ASIC2: variants seen among roughly 807,000 people sequenced by gnomAD.
ASIC2 encodes the protein acid sensing ion channel subunit 2.
In ASIC2, 25 loss-of-function variants were observed where a neutral mutation model predicts 57.3. The ratio of observed to expected loss-of-function variants is 0.44; its 90% CI spans 0.32 to 0.61. The LOEUF (loss-of-function observed/expected upper bound fraction) is 0.61, where lower values mean the gene tolerates loss of function less well. Ranked by LOEUF, ASIC2 falls within the 20% of genes least tolerant of loss-of-function variation. The pLI, the probability that ASIC2 is intolerant of heterozygous loss-of-function variation, is 0.06. For missense variants in ASIC2, 641 were observed against 738.1 expected, an observed-to-expected ratio of 0.87 and a Z score of 1.52; for synonymous variants, 319 against 307.5, an observed-to-expected ratio of 1.04 and a Z score of -0.39.
chr17:33,834,121 AC>A (rs879766742), intron 1 of ASIC2: 8 of 152,284 alleles, frequency 5.3e-5, no homozygotes, highest in Non-Finnish European at 1.0e-4. Context: ...AGACAGTTTA[AC>A]TGGTTTGCCA....
At chr17:33,144,157 CAAA>C (rs58279499) in intron 1 of ASIC2, among the ~76,000 whole-genome samples, 31,801 of 141,916 alleles carry the variant, frequency 0.22, 3,449 homozygotes, top group Middle Eastern at 0.33. Context: ...AACAAACAAA[CAAA>C]AAAAAAAACG....
At chr17:34,103,301 A>G (rs1353388869) in intron 1 of ASIC2, among the ~76,000 whole-genome samples, 1 of 152,014 alleles carries the variant, frequency 6.6e-6, no homozygotes, top group East Asian at 1.9e-4. Flanking sequence ...ATGTGCCACA[A>G]TGCCTGGCCA....
chr17:33,949,462 G>A (rs1265884377), intron 1 of ASIC2, among the ~76,000 whole-genome samples: 1 of 152,156 alleles, frequency 6.6e-6, no homozygotes, highest in Non-Finnish European at 1.5e-5. Flanking sequence ...AAATGACTGT[G>A]CTTTTGTAAA....
At chr17:33,763,120 G>A (rs1374263627) in intron 1 of ASIC2, among the ~76,000 whole-genome samples, 1 of 152,140 alleles carries the variant, frequency 6.6e-6, no homozygotes, top group East Asian at 1.9e-4. Flanking sequence ...CAACCATGCT[G>A]CCCCCAGCTT....
intron 1 of ASIC2, among the ~76,000 whole-genome samples, chr17:33,131,152 G>A (rs1567756372): frequency 1.3e-5 from 2 of 152,246 alleles, no homozygotes; most frequent in South Asian, 4.1e-4. Flanking sequence ...GGATCCAATG[G>A]GCAGAACGGG....
chr17:33,997,256 C>G (rs1906189859), intron 1 of ASIC2, among the ~76,000 whole-genome samples: 1 of 151,760 alleles, frequency 6.6e-6, no homozygotes, highest in Non-Finnish European at 1.5e-5. Context: ...ATCCTCCCAC[C>G]TCAACCCCCA....
intron 1 of ASIC2, among the ~76,000 whole-genome samples, chr17:33,949,649 A>G (rs73274597): frequency 0.015 from 2,351 of 152,258 alleles, 76 homozygotes; most frequent in African/African-American, 0.054. Context: ...CTCAAATTCC[A>G]TAGGCCTGCT....
chr17:33,415,596 G>A (rs1423206083), intron 1 of ASIC2, among the ~76,000 whole-genome samples: 1 of 152,058 alleles, frequency 6.6e-6, no homozygotes, highest in East Asian at 1.9e-4. Context: ...CTGACTTCAA[G>A]CCTGCAGCAG....
At chr17:33,110,352 C>T (rs1210602752) in intron 2 of ASIC2, among the ~76,000 whole-genome samples, 8 of 152,186 alleles carry the variant, frequency 5.3e-5, no homozygotes, top group Non-Finnish European at 1.5e-5. Flanking sequence ...GATGCCCTGT[C>T]CACCAGCCCT....
chr17:33,180,073 C>G (rs1046422067), intron 1 of ASIC2, among the ~76,000 whole-genome samples: 1 of 152,196 alleles, frequency 6.6e-6, no homozygotes, highest in African/African-American at 2.4e-5. Context: ...AACCTCCCCT[C>G]AAATCATCCA....
chr17:33,347,465 G>A (rs746763143), intron 1 of ASIC2, among the ~76,000 whole-genome samples: 10 of 152,134 alleles, frequency 6.6e-5, no homozygotes, highest in Non-Finnish European at 1.3e-4. Flanking sequence ...ACCAAGTGCC[G>A]GTTTGAGTCT....
chr17:34,147,039 T>A (rs1032990292), intron 1 of ASIC2: 9 of 152,146 alleles, frequency 5.9e-5, no homozygotes, highest in Admixed American at 5.9e-4. Flanking sequence ...ATTGTTATAA[T>A]TAAACAAACA....
intron 1 of ASIC2, among the ~76,000 whole-genome samples, chr17:34,154,937 A>G (rs1005310706): frequency 1.3e-5 from 2 of 152,074 alleles, no homozygotes; most frequent in African/African-American, 4.8e-5. Flanking sequence ...TATTATGCCA[A>G]GTTATGCCTA....
At chr17:33,983,574 A>G (rs1227163664) in intron 1 of ASIC2, among the ~76,000 whole-genome samples, 1 of 152,132 alleles carries the variant, frequency 6.6e-6, no homozygotes, top group African/African-American at 2.4e-5. Context: ...TCTGAGGGTC[A>G]CCTGGAATCC....
intron 1 of ASIC2, among the ~76,000 whole-genome samples, chr17:33,228,880 A>G (rs947502818): frequency 3.3e-5 from 5 of 152,226 alleles, no homozygotes; most frequent in African/African-American, 1.2e-4. Context: ...CTGCCTCCCA[A>G]GTTCCTCCCT....
chr17:34,066,723 GTA>G (rs1463996280), intron 1 of ASIC2, among the ~76,000 whole-genome samples: 3 of 152,186 alleles, frequency 2.0e-5, no homozygotes, highest in African/African-American at 7.2e-5. Flanking sequence ...TCCGCTCATT[GTA>G]TCCAGTGTTT....
intron 1 of ASIC2, among the ~76,000 whole-genome samples, chr17:33,386,943 GGT>G (rs144544453): frequency 2.6e-5 from 4 of 151,414 alleles, no homozygotes; most frequent in Admixed American, 1.3e-4. Flanking sequence ...AATTCTTTGG[GGT>G]GTGTGTGTGT....
rs115336721 is a variant in ASIC2, at chr17:33,863,750, G to A, written c.555+292228C>T. 3.6e-3 allele frequency among the ~76,000 whole-genome samples: 553 copies of A among 152,208 alleles called. 3 individuals are homozygous for A. Among genetic ancestry groups the A allele is most frequent in the African/African-American group, 0.012 (517 of 41,514 alleles). On this transcript the variant is annotated intron_variant, in intron 1 of 9. Transcript: ENST00000359872. ...CTCAAAGTGGTATTAATATGCTTCC[G>A]ACAATCTCTAAACATTAGCTGATTT...
chr17:33,776,185 C>G (rs573558582), intron 1 of ASIC2, among the ~76,000 whole-genome samples: 3 of 149,998 alleles, frequency 2.0e-5, no homozygotes, highest in African/African-American at 7.3e-5. Context: ...TGCCTAAATT[C>G]ATATGTTGAA....
Sources: allele counts gnomAD v4.1 joint callset (sites outside exome capture counted in the v4.1 genomes callset), GRCh38; gene constraint gnomAD v4.1.1; transcripts MANE v1.5; gene names NCBI Gene and HGNC (gene_info 2026-07-23, HGNC 2026-07-21).